The following CATSPERD variants were observed in gnomAD, a reference collection of about 807,000 sequenced individuals.
The protein encoded by CATSPERD is catsper channel auxiliary subunit delta.
A neutral mutation model predicts 98.1 loss-of-function variants in CATSPERD; 86 were observed. The observed-to-expected ratio is 0.88, with a 90% CI of 0.74 to 1.05. CATSPERD has a LOEUF of 1.05. CATSPERD is among the 50% of genes least tolerant of loss of function. CATSPERD has a pLI of 0.00. For synonymous variants in CATSPERD, 394 were observed against 390.2 expected, an observed-to-expected ratio of 1.01 and a Z score of -0.12; for missense variants, 995 against 1,005.7, an observed-to-expected ratio of 0.99 and a Z score of 0.14.
chr19:5,770,635 A>G (rs1196817580), intron 18 of CATSPERD, among the ~76,000 whole-genome samples: 2 of 150,152 alleles, frequency 1.3e-5, no homozygotes, highest in Non-Finnish European at 3.0e-5. Flanking sequence ...TAAAATATTA[A>G]CCATGCGTGG....
rs565651235 is a variant in CATSPERD, at chr19:5,750,275, C to T, written c.987+1092C>T. Among the ~76,000 whole-genome samples the T allele has an allele frequency of 5.4e-4, 79 of 147,388 alleles. No individual in the cohort carries two copies. In the South Asian group the frequency reaches 7.4e-3, roughly 14 times the overall value. ...CATCCTGGCTAACACGGTGAAACCC[C>T]GTCTCTACTAAAAAAAATACGAAAA... On this transcript the variant is annotated intron_variant, in intron 11 of 21. Transcript: ENST00000381624.
chr19:5,733,426 CT>C (rs1377688184), intron 4 of CATSPERD, among the ~76,000 whole-genome samples: 51 of 143,684 alleles, frequency 3.5e-4, no homozygotes, highest in African/African-American at 1.3e-3. Flanking sequence ...TCCTTCCTTC[CT>C]TCCTCCTTTC....
chr19:5,744,316 T>C, intron 7 of CATSPERD, 111 bp from the exon 8 acceptor site: 1 of 952,528 alleles, frequency 1.0e-6, no homozygotes, highest in Non-Finnish European at 1.6e-6. Context: ...TATTTGTTTT[T>C]CTAAAAAAGA....
At chr19:5,734,508 C>T (rs892968648) in intron 5 of CATSPERD, among the ~76,000 whole-genome samples, 3 of 152,046 alleles carry the variant, frequency 2.0e-5, no homozygotes, top group Non-Finnish European at 4.4e-5. Flanking sequence ...CGTGGTGGTG[C>T]ATGCCTGTAA....
chr19:5,746,329 G>A (rs1433395097), intron 9 of CATSPERD, among the ~76,000 whole-genome samples: 1 of 152,200 alleles, frequency 6.6e-6, no homozygotes, highest in Non-Finnish European at 1.5e-5. Flanking sequence ...CCGTCATGGA[G>A]GTTTATTCCG....
intron 7 of CATSPERD, among the ~76,000 whole-genome samples, chr19:5,743,176 G>A (rs961979578): frequency 5.3e-5 from 8 of 152,032 alleles, no homozygotes; most frequent in Non-Finnish European, 8.8e-5. Flanking sequence ...GGTGGCAGGC[G>A]CCTGTAATCC....
intron 1 of CATSPERD, among the ~76,000 whole-genome samples, chr19:5,723,881 A>G (rs2055551865): frequency 1.3e-5 from 2 of 151,272 alleles, no homozygotes; most frequent in Admixed American, 6.6e-5. Context: ...GGTTCAAGCG[A>G]TTCTCCTGCC....
At chr19:5,766,289 G>GAAA (rs10645590) in intron 17 of CATSPERD, 134 bp downstream of exon 17, 9,786 of 241,266 alleles carry the variant, frequency 0.041, 35 homozygotes, top group East Asian at 0.079. Context: ...CGTCTCTACT[G>GAAA]AAAAAAAAAA....
At chr19:5,754,291 T>C in intron 13 of CATSPERD, 46 bp downstream of exon 13, 1 of 1,363,832 alleles carries the variant, frequency 7.3e-7, no homozygotes, top group Non-Finnish European at 1.0e-6. Context: ...CTCAGCCACA[T>C]GCCTGGTGCC....
At chr19:5,759,519 C>A (rs574803271) in intron 15 of CATSPERD, among the ~76,000 whole-genome samples, 1 of 143,340 alleles carries the variant, frequency 7.0e-6, no homozygotes, top group Non-Finnish European at 1.5e-5. Flanking sequence ...GAGCCGAGAT[C>A]GTGCCATTGC....
At chr19:5,775,249 T>C (rs1214495347) in intron 20 of CATSPERD, 1 of 471,122 alleles carries the variant, frequency 2.1e-6, no homozygotes, top group Non-Finnish European at 4.4e-6. Flanking sequence ...GAAACTGTTT[T>C]AAAGAAGAGG....
intron 4 of CATSPERD, among the ~76,000 whole-genome samples, chr19:5,731,560 GTTTTT>G (rs67541709): frequency 9.2e-5 from 7 of 75,724 alleles, no homozygotes; most frequent in South Asian, 6.2e-4. Context: ...ACACTTAACA[GTTTTT>G]TTTTTTTTTT....
intron 7 of CATSPERD, among the ~76,000 whole-genome samples, chr19:5,741,100 AAAG>A (rs2055954469): frequency 6.7e-6 from 1 of 150,036 alleles, no homozygotes; most frequent in African/African-American, 2.4e-5. Context: ...AAAGAAAAGA[AAAG>A]AAAAAAGCTA....
chr19:5,741,782 AG>A (rs2055968906), intron 7 of CATSPERD, among the ~76,000 whole-genome samples: 1 of 4,216 alleles, frequency 2.4e-4, no homozygotes, highest in East Asian at 2.9e-3. Context: ...GGGATGCTGA[AG>A]GCGGGGGGGG....
rs71172765 is a variant in CATSPERD, at chr19:5,762,041, C to CATATATATATAT, written c.1428-1167_1428-1156dup. Reference sequence around the variant, plus strand: ...GTGAGAGCCACTGCGCCTGGCCTGCCATATATATATATATATATTTTTTTT... The same window carrying CATATATATATAT: ...GTGAGAGCCACTGCGCCTGGCCTGCCATATATATATATATATATATATATATATATTTTTTTT... On this transcript the variant is annotated intron_variant, in intron 15 of 21. Coordinates refer to ENST00000381624, the MANE Select transcript of CATSPERD (RefSeq NM_152784.4). 3.7e-3 allele frequency among the ~76,000 whole-genome samples: 85 copies of CATATATATATAT among 23,230 alleles called. 11 individuals are homozygous for CATATATATATAT. Among genetic ancestry groups the CATATATATATAT allele is most frequent in the African/African-American group, 6.4e-3 (50 of 7,854 alleles). The allele number at this position is 23,230 out of a possible 152,430, so 15.2% of individuals were successfully genotyped here.
In CATSPERD at chr19:5,771,288, G is replaced by A. The variant is rs1036071013; in HGVS notation, c.1763+216G>A. On this transcript the variant is annotated intron_variant, in intron 19 of 21. Coordinates refer to ENST00000381624, the MANE Select transcript of CATSPERD (RefSeq NM_152784.4). ...TTTTGAGACAGGGTCTTGCTCTGTC[G>A]CCTAGGATGGAGTGCAGTGGCATGA... 6.6e-5 allele frequency among the ~76,000 whole-genome samples: 10 copies of A among 152,082 alleles called. No individual in the cohort carries two copies. The East Asian group carries it at 1.9e-3, about 29-fold the overall frequency.
intron 15 of CATSPERD, among the ~76,000 whole-genome samples, chr19:5,761,655 A>G (rs148695269): frequency 1.5e-4 from 2 of 12,926 alleles, no homozygotes; most frequent in African/African-American, 4.2e-4. Context: ...ATGGCGGCAG[A>G]AGAGAGAGAG....
intron 18 of CATSPERD, among the ~76,000 whole-genome samples, chr19:5,770,430 CAA>C (rs539340482): frequency 2.0e-4 from 16 of 81,938 alleles, no homozygotes; most frequent in African/African-American, 2.2e-4. Context: ...AACTCCGTCT[CAA>C]AAAAAAAAAA....
intron 20 of CATSPERD, 83 bp downstream of exon 20, chr19:5,773,048 T>G: frequency 7.3e-7 from 1 of 1,377,028 alleles, no homozygotes; most frequent in Non-Finnish European, 1.0e-6. Flanking sequence ...CGTGCGGCCA[T>G]GGAACTGAGT....
Sources: gnomAD v4.1 joint callset for allele counts (sites outside exome capture counted in the v4.1 genomes callset) on GRCh38, gnomAD v4.1.1 for gene constraint, MANE v1.5 for transcripts, NCBI Gene and HGNC (gene_info 2026-07-23, HGNC 2026-07-21) for gene names.